GALNTL6: variants seen among roughly 807,000 people sequenced by gnomAD.
GALNTL6 encodes polypeptide N-acetylgalactosaminyltransferase-like 6.
In GALNTL6, 46 loss-of-function variants were observed where a neutral mutation model predicts 73.7. That is an observed-to-expected ratio of 0.62 (90% CI 0.49 to 0.80). The LOEUF (loss-of-function observed/expected upper bound fraction) is 0.80. Among genes scored for constraint, GALNTL6 ranks in the 30% least tolerant of loss-of-function variants. GALNTL6 has a pLI of 0.00. For synonymous variants in GALNTL6, 259 were observed against 263.7 expected, an observed-to-expected ratio of 0.98 and a Z score of 0.17; for missense variants, 604 against 755.0, an observed-to-expected ratio of 0.80 and a Z score of 2.34.
chr4:171,815,974 T>C (rs1414097654), intron 2 of GALNTL6: 1 of 152,180 alleles, frequency 6.6e-6, no homozygotes, highest in Non-Finnish European at 1.5e-5. Flanking sequence ...GTTGTTAATA[T>C]TTATTATCCT....
chr4:172,563,689 ACAGT>A (rs1235534847), intron 5 of GALNTL6, among the ~76,000 whole-genome samples: 2 of 152,230 alleles, frequency 1.3e-5, no homozygotes, highest in Admixed American at 1.3e-4. Context: ...GATCACTGTA[ACAGT>A]CAGACCTACA....
At chr4:172,008,959 T>G (rs529701224) in intron 2 of GALNTL6, among the ~76,000 whole-genome samples, 2 of 152,034 alleles carry the variant, frequency 1.3e-5, no homozygotes, top group Non-Finnish European at 2.9e-5. Flanking sequence ...CTTTAACTAT[T>G]TGCTGAAAAA....
intron 3 of GALNTL6, among the ~76,000 whole-genome samples, chr4:172,252,501 A>T (rs1045697798): frequency 2.1e-4 from 32 of 152,222 alleles, no homozygotes; most frequent in African/African-American, 7.2e-4. Context: ...GGATAGGGAA[A>T]TTTTTTTGAA....
rs1292125540 is a variant in GALNTL6 at position 172,630,483 on chromosome 4, A to C, written c.554-178878A>C. Among the ~76,000 whole-genome samples, 6 of 152,192 alleles carry C rather than the reference A, an allele frequency of 3.9e-5. No individual in the cohort carries two copies. The East Asian group carries it at 1.2e-3, about 30-fold the overall frequency. On this transcript the variant is annotated intron_variant, in intron 5 of 12. Coordinates refer to ENST00000506823, the MANE Select transcript of GALNTL6 (RefSeq NM_001034845.3). ...ATCGGCAAGCTGATAATGCACCTGC[A>C]TCTCTACCAATCACATTGCCACAGA...
intron 2 of GALNTL6, among the ~76,000 whole-genome samples, chr4:171,985,970 G>T (rs28691762): frequency 7.0e-6 from 1 of 143,186 alleles, no homozygotes; most frequent in East Asian, 2.2e-4. Flanking sequence ...TCCAGGAGGC[G>T]GAGGTTGCAG....
At chr4:172,674,792 A>G (rs558975707) in intron 5 of GALNTL6, among the ~76,000 whole-genome samples, 2 of 152,234 alleles carry the variant, frequency 1.3e-5, no homozygotes, top group East Asian at 3.9e-4. Context: ...GAATTATAAA[A>G]TTGATGTAGT....
At chr4:172,491,354 A>AC (rs57772504) in intron 5 of GALNTL6, among the ~76,000 whole-genome samples, 132,676 of 151,954 alleles carry the variant, frequency 0.87, 57,938 homozygotes, top group South Asian at 0.89. Context: ...AAACAAACAA[A>AC]AACAAAAGGT....
intron 2 of GALNTL6, among the ~76,000 whole-genome samples, chr4:172,039,508 T>G (rs947971388): frequency 6.6e-6 from 1 of 152,124 alleles, no homozygotes; most frequent in African/African-American, 2.4e-5. Context: ...CATGGGGAGA[T>G]TCCCACCATT....
rs73002049 is a variant in GALNTL6, at chr4:172,887,318, A to T, written c.1041+4411A>T. Among the ~76,000 whole-genome samples, 1,138 of 152,190 alleles carry T rather than the reference A, an allele frequency of 7.5e-3. 9 individuals are homozygous for T. The highest frequency in any genetic ancestry group is 0.024 in the African/African-American group (993 of 41,534). ...ATATGAGTGCATATGTCTTTTTGGT[A>T]AAATGGTTTATTTTCCTTTGGACAT... On this transcript the variant is annotated intron_variant, in intron 8 of 12. Transcript: ENST00000506823.
chr4:172,657,532 A>T (rs1163462408), intron 5 of GALNTL6, among the ~76,000 whole-genome samples: 1 of 152,156 alleles, frequency 6.6e-6, no homozygotes, highest in Non-Finnish European at 1.5e-5. Flanking sequence ...TGAAAACTAA[A>T]TTTTTTGTTT....
intron 2 of GALNTL6, among the ~76,000 whole-genome samples, chr4:171,871,037 A>T (rs1190716708): frequency 6.6e-6 from 1 of 152,192 alleles, no homozygotes; most frequent in Non-Finnish European, 1.5e-5. Flanking sequence ...ATCATTACAC[A>T]ATTAAAAATA....
chr4:172,467,205 C>T (rs1732855301), intron 5 of GALNTL6, among the ~76,000 whole-genome samples: 1 of 152,192 alleles, frequency 6.6e-6, no homozygotes, highest in Admixed American at 6.5e-5. Context: ...ATTCAGGCTA[C>T]AGTTGGAATG....
intron 5 of GALNTL6, among the ~76,000 whole-genome samples, chr4:172,411,283 T>G (rs11943904): frequency 0.021 from 3,144 of 152,116 alleles, 103 homozygotes; most frequent in African/African-American, 0.071. Context: ...TACCTGCCTC[T>G]TTACTAAAAG....
intron 5 of GALNTL6, among the ~76,000 whole-genome samples, chr4:172,568,206 G>C (rs1415797662): frequency 1.3e-5 from 2 of 152,104 alleles, no homozygotes; most frequent in African/African-American, 4.8e-5. Flanking sequence ...TGAAGAGGGA[G>C]GCAAGGATGC....
chr4:172,001,891 T>C lies in GALNTL6; in HGVS notation c.138+187173T>C, dbSNP rs77059804. Among the ~76,000 whole-genome samples the C allele has an allele frequency of 1.7e-3, 259 of 152,306 alleles. 1 individual carries two copies. The highest frequency in any genetic ancestry group is 5.9e-3 in the African/African-American group (245 of 41,574). ...CAACATTTTCCTTCAGACCCATTAT[T>C]AAATTCATAGCTGTCCCTGCTCTTT... is the stretch of plus-strand genomic sequence containing the variant. On this transcript the variant is annotated intron_variant, in intron 2 of 12. Coordinates refer to ENST00000506823, the MANE Select transcript of GALNTL6 (RefSeq NM_001034845.3).
chr4:173,006,576 T>C (rs1318926199), intron 10 of GALNTL6, among the ~76,000 whole-genome samples: 3 of 152,230 alleles, frequency 2.0e-5, no homozygotes, highest in African/African-American at 7.2e-5. Flanking sequence ...TCACAAATTC[T>C]AGAGAGAAGT....
intron 7 of GALNTL6, among the ~76,000 whole-genome samples, chr4:172,827,326 G>T (rs1742322018): frequency 1.3e-5 from 2 of 152,058 alleles, no homozygotes; most frequent in South Asian, 4.1e-4. Context: ...CCTCCAACAG[G>T]CAAGAATTCC....
chr4:172,867,679 C>T (rs550956710), intron 7 of GALNTL6, among the ~76,000 whole-genome samples: 1 of 152,332 alleles, frequency 6.6e-6, no homozygotes, highest in East Asian at 1.9e-4. Flanking sequence ...TTTAATTCTC[C>T]AGACAATATC....
chr4:172,374,875 T>C (rs1742969811), intron 5 of GALNTL6, among the ~76,000 whole-genome samples: 1 of 152,188 alleles, frequency 6.6e-6, no homozygotes, highest in African/African-American at 2.4e-5. Flanking sequence ...CTAGACCATG[T>C]AGGATATCTA....
Sources: gnomAD v4.1 joint callset for allele counts (sites outside exome capture counted in the v4.1 genomes callset) on GRCh38, gnomAD v4.1.1 for gene constraint, MANE v1.5 for transcripts, NCBI Gene and HGNC (gene_info 2026-07-23, HGNC 2026-07-21) for gene names.